ZFAND4: variants seen among roughly 807,000 people sequenced by gnomAD.
ZFAND4 encodes AN1-type zinc finger protein 4.
ZFAND4 carries 43 observed loss-of-function variants against 64.4 expected under a neutral mutation model. The ratio of observed to expected loss-of-function variants is 0.67; its 90% CI spans 0.52 to 0.86. ZFAND4 has a LOEUF of 0.86. Ranked by LOEUF, ZFAND4 falls within the 40% of genes least tolerant of loss-of-function variation. The probability of loss-of-function intolerance (pLI) is 0.00; values close to 1 mark genes in which losing one functional copy is unlikely to be tolerated. For missense variants in ZFAND4, 929 were observed against 859.8 expected, an observed-to-expected ratio of 1.08 and a Z score of -1.01; for synonymous variants, 296 against 305.7, an observed-to-expected ratio of 0.97 and a Z score of 0.33.
chr10:45,648,654 G>T (rs1279085562), intron 4 of ZFAND4, 120 bp from the exon 5 acceptor site: 2 of 1,079,122 alleles, frequency 1.9e-6, no homozygotes, highest in Non-Finnish European at 2.5e-6. Context: ...ATATAAACAT[G>T]ATATTCTTCA....
At chr10:45,660,633 A>C (rs977532255) in intron 2 of ZFAND4, among the ~76,000 whole-genome samples, 2 of 152,232 alleles carry the variant, frequency 1.3e-5, no homozygotes, top group African/African-American at 4.8e-5. Flanking sequence ...ACTGTAGAAA[A>C]GCAAAGACAA....
chr10:45,635,195 C>CAAAA (rs1173808756), intron 6 of ZFAND4, among the ~76,000 whole-genome samples: 53 of 27,606 alleles, frequency 1.9e-3, no homozygotes, highest in East Asian at 5.1e-3. Context: ...GCCATCTAAG[C>CAAAA]AAAAAAAAAA....
chr10:45,653,085 G>C, intron 2 of ZFAND4, 26 bp from the exon 3 acceptor site: 4 of 1,538,836 alleles, frequency 2.6e-6, no homozygotes, highest in Non-Finnish European at 1.8e-6. Flanking sequence ...TTAAAAAAAA[G>C]TGTTAAAGAA....
At chr10:45,627,846 G>A (rs188041754) in intron 6 of ZFAND4, among the ~76,000 whole-genome samples, 1 of 152,302 alleles carries the variant, frequency 6.6e-6, no homozygotes, top group Non-Finnish European at 1.5e-5. Context: ...CACATCTCAT[G>A]AGACTCCACT....
chr10:45,616,147 T>C lies in ZFAND4; in HGVS notation c.*289A>G. The C allele has an allele frequency of 3.2e-6, 1 of 311,706 alleles. No homozygotes were observed. The highest frequency in any genetic ancestry group is 7.4e-5 in the East Asian group (1 of 13,522). 19.3% of individuals were successfully genotyped at this position (311,706 alleles called of 1,614,324 possible). A position where few individuals can be genotyped will look rare whatever the true frequency, so the allele number is the denominator to read the frequency against. The stretch of plus-strand genomic sequence containing the variant: ...TTCCTAAAGTGCATCTTTTGAAGAT[T>C]TGCCTAGTAAAACTGCAATATCATA... On this transcript the variant is annotated 3_prime_UTR_variant, in exon 10 of 10. Coordinates refer to ENST00000344646, the MANE Select transcript of ZFAND4 (RefSeq NM_174890.4).
At chr10:45,624,664 A>G (rs748223827) in intron 7 of ZFAND4, 27 bp from the exon 8 acceptor site, 6 of 1,585,762 alleles carry the variant, frequency 3.8e-6, no homozygotes, top group Admixed American at 1.7e-5. Context: ...AAACATCTAT[A>G]GAGGTGAGTC....
intron 5 of ZFAND4, chr10:45,640,186 T>C (rs1165839451): frequency 1.8e-5 from 22 of 1,251,194 alleles, no homozygotes; most frequent in African/African-American, 4.7e-5. Context: ...AAATCTAGTA[T>C]AGCTGAGCTT....
chr10:45,653,076 TAA>T lies in ZFAND4; in HGVS notation c.185-19_185-18del, dbSNP rs553043896. 1.3e-6 allele frequency: 2 copies of T among 1,574,304 alleles called. No individual in the cohort carries two copies. The highest frequency in any genetic ancestry group is 8.7e-7 in the Non-Finnish European group (1 of 1,150,650). On this transcript the variant is annotated intron_variant, in intron 2 of 9. Coordinates refer to ENST00000344646, the MANE Select transcript of ZFAND4 (RefSeq NM_174890.4). ...TGGGAATACCTTAAGGGAAAGTTATTAAAAAAAAGTGTTAAAGAATTCAATAG... is the reference window on the plus strand; with the variant it reads ...TGGGAATACCTTAAGGGAAAGTTATTAAAAAAGTGTTAAAGAATTCAATAG...
Position 45,626,792 on chromosome 10 carries a change from AAATGGGGTAT to A in ZFAND4, c.1021_1030del (p.Ile341TrpfsTer28). ...AAGCTCCTGGTCATTTCCCAACTCC[AAATGGGGTAT>A]CTGAGGAGGTAGTTTGACGTTGCTA... On this transcript the variant is annotated frameshift_variant, in exon 7 of 10. Coordinates refer to ENST00000344646, the MANE Select transcript of ZFAND4 (RefSeq NM_174890.4). LOFTEE classifies it high-confidence loss of function. 3 of 1,614,222 alleles carry A rather than the reference AAATGGGGTAT, an allele frequency of 1.9e-6. No individual in the cohort carries two copies. The highest frequency in any genetic ancestry group is 2.5e-6 in the Non-Finnish European group (3 of 1,180,032).
At chr10:45,649,138 T>C (rs1409411437) in intron 4 of ZFAND4, 1 of 145,370 alleles carries the variant, frequency 6.9e-6, no homozygotes, top group East Asian at 2.0e-4. Context: ...GGCATGGTGG[T>C]GCGCACCTGT....
rs1303054323 is a variant in ZFAND4, at chr10:45,616,439, G to C, written c.2181C>G (p.Ile727Met). Residue 727 changes from isoleucine to methionine, a missense_variant, in exon 10 of 10, where the codon ATC (isoleucine) becomes ATG (methionine). Ile to Met is a conservative substitution (Grantham distance 10). Coordinates refer to ENST00000344646, the MANE Select transcript of ZFAND4 (RefSeq NM_174890.4). ...PVVNAPKLPKI is the reference protein window; with the variant it reads ...PVVNAPKLPKM ...ACAGTAAGATGTAGAGGAAGAGTTA[G>C]ATTTTTGGAAGCTTTGGTGCATTAA... The C allele has an allele frequency of 1.2e-6, 2 of 1,614,112 alleles. No homozygotes were observed. Among genetic ancestry groups the C allele is most frequent in the South Asian group, 2.2e-5 (2 of 91,066 alleles).
At chr10:45,646,658 G>A (rs765460802) in intron 5 of ZFAND4, among the ~76,000 whole-genome samples, 1 of 152,112 alleles carries the variant, frequency 6.6e-6, no homozygotes, top group Non-Finnish European at 1.5e-5. Flanking sequence ...AGCATAATGA[G>A]AAGACCTGGA....
chr10:45,640,230 T>C lies in ZFAND4; in HGVS notation c.570-267A>G. The stretch of plus-strand genomic sequence containing the variant: ...TCAGTATATCATAAATGAAGATGTT[T>C]TGACACCTGCCATATCATTCCCAAA... On this transcript the variant is annotated intron_variant, in intron 5 of 9. Coordinates refer to ENST00000344646, the MANE Select transcript of ZFAND4 (RefSeq NM_174890.4). The C allele has an allele frequency of 7.4e-6, 9 of 1,223,822 alleles. No individual in the cohort carries two copies. In the South Asian group the frequency reaches 1.2e-4, roughly 17 times the overall value. The allele number at this position is 1,223,822 out of a possible 1,614,324, so 75.8% of individuals were successfully genotyped here. A position where few individuals can be genotyped will look rare whatever the true frequency, so the allele number is the denominator to read the frequency against.
chr10:45,625,836 T>C (rs769739448), intron 7 of ZFAND4, 115 bp downstream of exon 7: 1 of 1,024,154 alleles, frequency 9.8e-7, no homozygotes, highest in Non-Finnish European at 1.4e-6. Context: ...CAGATAAATT[T>C]ATGAAAATAA....
intron 6 of ZFAND4, among the ~76,000 whole-genome samples, chr10:45,633,437 T>C (rs920331521): frequency 4.1e-4 from 63 of 151,942 alleles, no homozygotes; most frequent in African/African-American, 1.5e-3. Flanking sequence ...CCCGGCATGG[T>C]GCTGCACACA....
Position 45,663,632 on chromosome 10 carries a change from T to C in ZFAND4, c.94A>G (p.Ile32Val), listed in dbSNP as rs746504252. The C allele has an allele frequency of 6.2e-7, 1 of 1,611,710 alleles. No homozygotes were observed. The highest frequency in any genetic ancestry group is 1.3e-5 in the African/African-American group (1 of 74,794). The change falls in exon 2 of 10, where the codon ATT becomes GTT. Residue 32 changes from isoleucine to valine, a missense_variant. Ile to Val is a conservative substitution (Grantham distance 29). Transcript: ENST00000344646. Reference sequence around the variant, plus strand: ...AAACATGTTCCAGTTAATGTTTCAATGAAGAGCTCCATGGTATCACAGAAA... The same window carrying C: ...AAACATGTTCCAGTTAATGTTTCAACGAAGAGCTCCATGGTATCACAGAAA... ...LHFCDTMELF[I>V]ETLTGTCFEL...
At chr10:45,647,666 A>G (rs1361202276) in intron 5 of ZFAND4, among the ~76,000 whole-genome samples, 2 of 152,066 alleles carry the variant, frequency 1.3e-5, no homozygotes, top group Non-Finnish European at 2.9e-5. Context: ...TCTTCATAGC[A>G]GACTGCATGC....
intron 1 of ZFAND4, among the ~76,000 whole-genome samples, chr10:45,664,787 T>G (rs1015620520): frequency 1.3e-5 from 2 of 151,704 alleles, no homozygotes; most frequent in Non-Finnish European, 2.9e-5. Flanking sequence ...AAAAATGAGC[T>G]GGGCGTGGCG....
intron 8 of ZFAND4, chr10:45,620,676 G>A (rs1294883959): frequency 6.6e-6 from 1 of 152,122 alleles, no homozygotes; most frequent in Non-Finnish European, 1.5e-5. Flanking sequence ...ACTATAAACA[G>A]GAAAAATCTA....
Sources: gnomAD v4.1 joint callset for allele counts (sites outside exome capture counted in the v4.1 genomes callset) on GRCh38, gnomAD v4.1.1 for gene constraint, MANE v1.5 for transcripts, NCBI Gene and HGNC (gene_info 2026-07-23, HGNC 2026-07-21) for gene names.